The following ELAVL1 variants were observed in gnomAD, a reference collection of about 807,000 sequenced individuals.
ELAVL1 encodes ELAV-like protein 1.
ELAVL1 carries 1 observed loss-of-function variant against 28.4 expected under a neutral mutation model. The ratio of observed to expected loss-of-function variants is 0.04; its 90% CI spans 0.01 to 0.17. The LOEUF (loss-of-function observed/expected upper bound fraction) is 0.17, where lower values mean the gene tolerates loss of function less well. Among genes scored for constraint, ELAVL1 ranks in the 10% least tolerant of loss-of-function variants. ELAVL1 has a pLI of 1.00. For missense variants in ELAVL1, 157 were observed against 447.2 expected, an observed-to-expected ratio of 0.35 and a Z score of 5.85; for synonymous variants, 174 against 183.5, an observed-to-expected ratio of 0.95 and a Z score of 0.42.
At chr19:7,989,858 A>ATT (rs1265764833) in intron 2 of ELAVL1, among the ~76,000 whole-genome samples, 7 of 152,220 alleles carry the variant, frequency 4.6e-5, no homozygotes, top group Non-Finnish European at 8.8e-5. Flanking sequence ...TGAAGAGCTA[A>ATT]TTCCCTGTAG....
intron 1 of ELAVL1, among the ~76,000 whole-genome samples, chr19:7,999,295 C>A (rs903550087): frequency 6.6e-6 from 1 of 152,176 alleles, no homozygotes; most frequent in African/African-American, 2.4e-5. Flanking sequence ...CTCACTTGAA[C>A]GCGGGAGGCA....
At chr19:7,986,521 C>A (rs1029767564) in intron 2 of ELAVL1, among the ~76,000 whole-genome samples, 2 of 152,200 alleles carry the variant, frequency 1.3e-5, no homozygotes, top group African/African-American at 4.8e-5. Flanking sequence ...CCAAGGCTAG[C>A]GGATAGCAGG....
intron 4 of ELAVL1, among the ~76,000 whole-genome samples, chr19:7,969,423 C>A (rs1052408362): frequency 2.0e-5 from 3 of 152,198 alleles, no homozygotes; most frequent in Non-Finnish European, 2.9e-5. Context: ...GCTGCCCCCA[C>A]AATCGCGACA....
At chr19:7,997,282 A>C (rs1011070446) in intron 1 of ELAVL1, among the ~76,000 whole-genome samples, 6 of 152,216 alleles carry the variant, frequency 3.9e-5, no homozygotes, top group Non-Finnish European at 8.8e-5. Flanking sequence ...ATCATCCAAA[A>C]CTACAACAAC....
In ELAVL1 at chr19:7,973,791, C is replaced by T. The variant is rs1353862599; in HGVS notation, c.364G>A (p.Val122Ile). 3.7e-6 allele frequency: 6 copies of T among 1,614,048 alleles called. No homozygotes were observed. The highest frequency in any genetic ancestry group is 2.2e-5 in the East Asian group (1 of 44,888). ...GLPRTMTQKD[V>I]EDMFSRFGRI... is the part of the protein sequence containing the mutation. Reference sequence around the variant, plus strand: ...CCAAACCGAGAGAACATGTCTTCTACGTCCTTCTGGGTCATGGTCCGCGGG... The same window carrying T: ...CCAAACCGAGAGAACATGTCTTCTATGTCCTTCTGGGTCATGGTCCGCGGG... Residue 122 changes from valine to isoleucine, a missense_variant, in exon 4 of 6, where the codon GTA becomes ATA. Around this residue, in one of 4 missense-constraint regions of ELAVL1, gnomAD observed 107 missense variants for 310.4 expected, o/e 0.34. Transcript: ENST00000407627.
intron 5 of ELAVL1, among the ~76,000 whole-genome samples, chr19:7,964,311 C>T (rs538680958): frequency 3.0e-4 from 46 of 152,276 alleles, no homozygotes; most frequent in African/African-American, 1.1e-3. Flanking sequence ...GGTTAGAGCA[C>T]GCCTTTGCCA....
chr19:7,989,777 G>A (rs758265026), intron 2 of ELAVL1, among the ~76,000 whole-genome samples: 1 of 152,210 alleles, frequency 6.6e-6, no homozygotes, highest in Non-Finnish European at 1.5e-5. Context: ...AATCCCCATT[G>A]AGAAGGCGTT....
At position 7,981,326 on chromosome 19, in the gene ELAVL1, C is replaced by G; in HGVS notation, c.173-140G>C. 1 of 663,012 alleles carries G rather than the reference C, an allele frequency of 1.5e-6. No homozygotes were observed. Among genetic ancestry groups the G allele is most frequent in the Non-Finnish European group, 2.6e-6 (1 of 383,484 alleles). 41.1% of individuals were successfully genotyped at this position (663,012 alleles called of 1,614,324 possible). ...CAAACTTTATTTTCTTTGGCAAACA[C>G]GTACATTTTCTGCAATGAACACAGG... On this transcript the variant is annotated intron_variant, in intron 2 of 5. Transcript: ENST00000407627. This position sits in a 1 kb window ranked among gnomAD's most constrained non-coding sequence, Gnocchi z 4.2.
rs982813923 is a variant in ELAVL1 at position 7,991,947 on chromosome 19, T to G, written c.-16-116A>C. The G allele has an allele frequency of 5.2e-5, 49 of 945,482 alleles. No homozygotes were observed. In the African/African-American group the frequency reaches 8.3e-4, roughly 16 times the overall value. The allele number at this position is 945,482 out of a possible 1,614,324, so 58.6% of individuals were successfully genotyped here. A position where few individuals can be genotyped will look rare whatever the true frequency, so the allele number is the denominator to read the frequency against. On this transcript the variant is annotated intron_variant, in intron 1 of 5. Coordinates refer to ENST00000407627, the MANE Select transcript of ELAVL1 (RefSeq NM_001419.3). ...TTCTTTCTTTCTTTTTTTTTTTTTT[T>G]GTTTTGTTTTTGAGACAGAGTCTCA... is the stretch of plus-strand genomic sequence containing the variant.
intron 1 of ELAVL1, chr19:8,002,037 C>A (rs767090365): frequency 1.6e-6 from 2 of 1,289,176 alleles, no homozygotes; most frequent in African/African-American, 1.5e-5. Context: ...TGCTCAGTAG[C>A]CACCCCTGGC....
At chr19:7,968,537 G>A (rs1410025521) in intron 4 of ELAVL1, among the ~76,000 whole-genome samples, 1 of 152,216 alleles carries the variant, frequency 6.6e-6, no homozygotes, top group Admixed American at 6.5e-5. Flanking sequence ...GGCTCGCCAG[G>A]CAGGCCTGGG....
At chr19:7,980,311 A>G (rs1323236269) in intron 3 of ELAVL1, among the ~76,000 whole-genome samples, 1 of 152,168 alleles carries the variant, frequency 6.6e-6, no homozygotes, top group Non-Finnish European at 1.5e-5. Context: ...GACTGACAGG[A>G]GACCAGGGAG....
rs757175966 is a variant in ELAVL1 at position 7,999,992 on chromosome 19, C to T, written c.-17+5503G>A. 1.2e-3 allele frequency among the ~76,000 whole-genome samples: 185 copies of T among 152,132 alleles called. 1 individual carries two copies. The highest frequency in any genetic ancestry group is 2.1e-3 in the Non-Finnish European group (142 of 68,014). On this transcript the variant is annotated intron_variant, in intron 1 of 5. Coordinates refer to ENST00000407627, the MANE Select transcript of ELAVL1 (RefSeq NM_001419.3). ...GGGTTTCACTACGTTGGCCAGGCTG[C>T]TCTGGCACTCCTGACCTCAGGTGAT...
At chr19:7,986,292 G>C (rs966791004) in intron 2 of ELAVL1, among the ~76,000 whole-genome samples, 2 of 152,230 alleles carry the variant, frequency 1.3e-5, no homozygotes, top group Admixed American at 6.5e-5. Context: ...CTCACTGAGA[G>C]ACAGAGACTG....
chr19:7,977,484 G>A (rs894512296), intron 3 of ELAVL1, among the ~76,000 whole-genome samples: 2 of 152,206 alleles, frequency 1.3e-5, no homozygotes, highest in African/African-American at 4.8e-5. Flanking sequence ...AGCACTGGCT[G>A]TGTGTGGCAC....
chr19:7,985,507 G>A (rs1410798497), intron 2 of ELAVL1, among the ~76,000 whole-genome samples: 5 of 152,252 alleles, frequency 3.3e-5, no homozygotes, highest in Non-Finnish European at 5.9e-5. Context: ...CTGCCCACCA[G>A]TGGCAGAGCT....
chr19:7,997,066 G>A (rs1269946193), intron 1 of ELAVL1, among the ~76,000 whole-genome samples: 2 of 152,150 alleles, frequency 1.3e-5, no homozygotes, highest in Non-Finnish European at 2.9e-5. Context: ...ATGTGGAGAA[G>A]CCAGAATATT....
At chr19:7,966,022 A>G (rs1248938368) in intron 5 of ELAVL1, among the ~76,000 whole-genome samples, 1 of 152,178 alleles carries the variant, frequency 6.6e-6, no homozygotes, top group Non-Finnish European at 1.5e-5. Context: ...GGCACTGGGC[A>G]GCGCCCACCC....
At chr19:7,989,350 G>A (rs545614092) in intron 2 of ELAVL1, among the ~76,000 whole-genome samples, 8 of 152,296 alleles carry the variant, frequency 5.3e-5, no homozygotes, top group East Asian at 3.9e-4. Context: ...CTCCTGGTGC[G>A]CCAGTTACTA....
Sources: gnomAD v4.1 joint callset for allele counts (sites outside exome capture counted in the v4.1 genomes callset) on GRCh38, gnomAD v4.1.1 for gene constraint, gnomAD v4.1.1 regional missense constraint, Gnocchi (gnomAD v3.1) non-coding constraint, MANE v1.5 for transcripts, NCBI Gene and HGNC (gene_info 2026-07-23, HGNC 2026-07-21) for gene names.